Variants in MIPOL1 observed in about 807,000 individuals in gnomAD.
The protein encoded by MIPOL1 is mirror-image polydactyly gene 1 protein.
A neutral mutation model predicts 60.9 loss-of-function variants in MIPOL1; 57 were observed. The ratio of observed to expected loss-of-function variants is 0.94; its 90% CI spans 0.76 to 1.17. MIPOL1 has a LOEUF of 1.17. Among genes scored for constraint, MIPOL1 ranks in the 50% most tolerant of loss-of-function variants. MIPOL1 has a pLI of 0.00. For missense variants in MIPOL1, 551 were observed against 511.6 expected (o/e 1.08, Z -0.74); for synonymous variants, 179 against 168.8 (o/e 1.06, Z -0.47).
In MIPOL1 at chr14:37,357,871, G is replaced by C. The variant is rs1308279125; in HGVS notation, c.829-11646G>C. 2.6e-5 allele frequency among the ~76,000 whole-genome samples: 4 copies of C among 151,744 alleles called. No homozygotes were observed. The East Asian group carries it at 7.7e-4, about 29-fold the overall frequency. ...TTTTTTAATTATACTTTAAGTTCTA[G>C]GGTACATGTGCACAATGTGCAGGTT... On this transcript the variant is annotated intron_variant, in intron 9 of 12. Transcript: ENST00000684589.
intron 12 of MIPOL1, among the ~76,000 whole-genome samples, chr14:37,526,430 C>T (rs1448118693): frequency 9.5e-5 from 14 of 146,706 alleles, no homozygotes; most frequent in Non-Finnish European, 1.9e-4. Flanking sequence ...AGTGCAGTGG[C>T]GCAATCTCGG....
chr14:37,280,524 A>T (rs535831408), intron 6 of MIPOL1, among the ~76,000 whole-genome samples: 1 of 152,212 alleles, frequency 6.6e-6, no homozygotes, highest in Non-Finnish European at 1.5e-5. Context: ...AACGGGTGAG[A>T]TGATAGCTCA....
intron 9 of MIPOL1, among the ~76,000 whole-genome samples, chr14:37,359,135 A>G (rs944682065): frequency 2.0e-5 from 3 of 151,946 alleles, no homozygotes; most frequent in African/African-American, 7.2e-5. Flanking sequence ...TCGAAGACCA[A>G]ATGGTTGTAG....
chr14:37,325,950 G>A (rs1237232594), intron 9 of MIPOL1, among the ~76,000 whole-genome samples: 2 of 152,140 alleles, frequency 1.3e-5, no homozygotes, highest in Non-Finnish European at 2.9e-5. Context: ...TCCCGCGAAA[G>A]CTTTTCTCCA....
intron 9 of MIPOL1, 109 bp from the exon 10 acceptor site, chr14:37,369,408 A>AC (rs2092575163): frequency 3.2e-6 from 2 of 628,546 alleles, no homozygotes; most frequent in African/African-American, 1.9e-5. Flanking sequence ...GCAAAAAAAA[A>AC]ACCTTGTCTT....
intron 9 of MIPOL1, among the ~76,000 whole-genome samples, chr14:37,344,173 C>T: frequency 6.6e-6 from 1 of 151,990 alleles, no homozygotes; most frequent in Admixed American, 6.5e-5. Context: ...AATTCCAATA[C>T]CTCATAAATA....
At chr14:37,369,681 T>A in intron 10 of MIPOL1, 57 bp downstream of exon 10, 3 of 1,297,550 alleles carry the variant, frequency 2.3e-6, no homozygotes, top group Non-Finnish European at 3.3e-6. Context: ...TGGTGCCAGC[T>A]TTCTGTGCTG....
At chr14:37,311,827 T>C (rs1306740737) in intron 9 of MIPOL1, among the ~76,000 whole-genome samples, 1 of 152,208 alleles carries the variant, frequency 6.6e-6, no homozygotes, top group Non-Finnish European at 1.5e-5. Flanking sequence ...CTAGATGTTA[T>C]TCAGAATTCA....
In MIPOL1 at chr14:37,452,982, C is replaced by T. The variant is rs539147168; in HGVS notation, c.1031+30033C>T. ...CCTTCTAAGGAATTTCTTTTAGAAA[C>T]CTTAGGCAATGGTATTAAGAAGCAG... is the stretch of plus-strand genomic sequence containing the variant. On this transcript the variant is annotated intron_variant, in intron 11 of 12. Coordinates refer to ENST00000684589, the MANE Select transcript of MIPOL1 (RefSeq NM_001388067.1). Among the ~76,000 whole-genome samples, 84 of 152,190 alleles carry T rather than the reference C, an allele frequency of 5.5e-4. 2 individuals carry two copies. The South Asian group carries it at 0.017, about 30-fold the overall frequency.
chr14:37,428,877 G>A (rs1026945769), intron 11 of MIPOL1, among the ~76,000 whole-genome samples: 1 of 152,116 alleles, frequency 6.6e-6, no homozygotes, highest in Non-Finnish European at 1.5e-5. Flanking sequence ...AGTGGCCAGT[G>A]AGATGGGAGG....
rs1344626280 is a variant in MIPOL1, at chr14:37,267,273, A to G, written c.251+104A>G. On this transcript the variant is annotated intron_variant, in intron 4 of 12. Coordinates refer to ENST00000684589, the MANE Select transcript of MIPOL1 (RefSeq NM_001388067.1). Reference sequence around the variant, plus strand: ...GAGGACGAGGTGGGTGGATCACTTGAGGTCAGGAGTTCGAGACCAGCCTGG... The same window carrying G: ...GAGGACGAGGTGGGTGGATCACTTGGGGTCAGGAGTTCGAGACCAGCCTGG... 3.8e-6 allele frequency: 3 copies of G among 795,486 alleles called. No homozygotes were observed. The Admixed American group carries it at 7.1e-5, about 19-fold the overall frequency. 49.3% of individuals were successfully genotyped at this position (795,486 alleles called of 1,614,324 possible). A position where few individuals can be genotyped will look rare whatever the true frequency, so the allele number is the denominator to read the frequency against.
intron 9 of MIPOL1, among the ~76,000 whole-genome samples, chr14:37,353,595 G>T (rs1199887398): frequency 6.6e-6 from 1 of 151,434 alleles, no homozygotes. Context: ...CCTGTTATTG[G>T]TCTATTCAGA....
chr14:37,319,183 A>G (rs1178756888), intron 9 of MIPOL1, among the ~76,000 whole-genome samples: 2 of 152,032 alleles, frequency 1.3e-5, no homozygotes, highest in Admixed American at 1.3e-4. Context: ...TGTTTAACTC[A>G]CCTGCCATTG....
At chr14:37,364,789 A>G (rs1210642531) in intron 9 of MIPOL1, among the ~76,000 whole-genome samples, 1 of 152,186 alleles carries the variant, frequency 6.6e-6, no homozygotes, top group Middle Eastern at 3.2e-3. Flanking sequence ...TAGAGATTGC[A>G]TTGAATCTGT....
At chr14:37,278,658 G>A (rs926003449) in intron 6 of MIPOL1, 1 of 151,704 alleles carries the variant, frequency 6.6e-6, no homozygotes, top group Non-Finnish European at 1.5e-5. Flanking sequence ...GTTAACAGAT[G>A]GATTCTTTTT....
intron 11 of MIPOL1, among the ~76,000 whole-genome samples, chr14:37,494,770 T>A (rs1043543607): frequency 1.3e-5 from 2 of 152,224 alleles, no homozygotes; most frequent in Non-Finnish European, 1.5e-5. Flanking sequence ...TTTTAAAGAC[T>A]GTTTTCTGAA....
Position 37,271,396 on chromosome 14 carries a change from C to G in MIPOL1, c.493+871C>G, listed in dbSNP as rs905616377. ...AGTCTGAGGTCATAATCATGCTTTACAAGTCACTTAATGGGATTACATAGG... is the reference window on the plus strand; with the variant it reads ...AGTCTGAGGTCATAATCATGCTTTAGAAGTCACTTAATGGGATTACATAGG... On this transcript the variant is annotated intron_variant, in intron 6 of 12. Coordinates refer to ENST00000684589, the MANE Select transcript of MIPOL1 (RefSeq NM_001388067.1). 5.3e-5 allele frequency among the ~76,000 whole-genome samples: 8 copies of G among 152,034 alleles called. 1 individual carries two copies. The highest frequency in any genetic ancestry group is 5.2e-4 in the Admixed American group (8 of 15,240).
At chr14:37,332,878 A>G (rs757297269) in intron 9 of MIPOL1, among the ~76,000 whole-genome samples, 10 of 152,232 alleles carry the variant, frequency 6.6e-5, no homozygotes, top group Non-Finnish European at 1.3e-4. Flanking sequence ...GAGAACTGCA[A>G]GAGATCATTT....
chr14:37,535,092 T>G (rs185245854), intron 12 of MIPOL1, among the ~76,000 whole-genome samples: 138 of 152,258 alleles, frequency 9.1e-4, no homozygotes, highest in African/African-American at 3.1e-3. Context: ...TAAAAGTAAA[T>G]AAAACAAAGT....
Sources: allele counts gnomAD v4.1 joint callset (sites outside exome capture counted in the v4.1 genomes callset), GRCh38; gene constraint gnomAD v4.1.1; transcripts MANE v1.5; gene names NCBI Gene and HGNC (gene_info 2026-07-23, HGNC 2026-07-21).